Variants in ATP10A observed in about 807,000 individuals in gnomAD.
ATP10A encodes the protein phospholipid-transporting ATPase VA.
In ATP10A, 111 loss-of-function variants were observed where a neutral mutation model predicts 147.8. The ratio of observed to expected loss-of-function variants is 0.75; its 90% confidence interval spans 0.64 to 0.88. The LOEUF (loss-of-function observed/expected upper bound fraction) is 0.88. Ranked by LOEUF, ATP10A falls within the 40% of genes least tolerant of loss-of-function variation. The probability of loss-of-function intolerance (pLI) is 0.00; values close to 1 mark genes in which losing one functional copy is unlikely to be tolerated. For missense variants in ATP10A, 1,927 were observed against 1,959.0 expected, an observed-to-expected ratio of 0.98 and a Z score of 0.31; for synonymous variants, 875 against 841.6, an observed-to-expected ratio of 1.04 and a Z score of -0.69.
At chr15:25,815,124 A>T (rs1373581573) in intron 1 of ATP10A, among the ~76,000 whole-genome samples, 1 of 152,184 alleles carries the variant, frequency 6.6e-6, no homozygotes, top group Non-Finnish European at 1.5e-5. Context: ...GGTCGACATC[A>T]CACCACCAGG....
At chr15:25,855,075 A>C (rs1011485985) in intron 1 of ATP10A, among the ~76,000 whole-genome samples, 36 of 151,698 alleles carry the variant, frequency 2.4e-4, no homozygotes, top group African/African-American at 7.0e-4. Context: ...AAAAAAAAAA[A>C]AACAGAAAAA....
At chr15:25,788,485 A>G (rs958221805) in intron 1 of ATP10A, among the ~76,000 whole-genome samples, 2 of 152,216 alleles carry the variant, frequency 1.3e-5, no homozygotes, top group African/African-American at 4.8e-5. Flanking sequence ...GGCTGTCACC[A>G]GACTGTCAAC....
intron 1 of ATP10A, among the ~76,000 whole-genome samples, chr15:25,843,521 T>G (rs1472458965): frequency 6.6e-6 from 1 of 152,122 alleles, no homozygotes; most frequent in Non-Finnish European, 1.5e-5. Context: ...CTCCTCTCTG[T>G]GCAGGAATTC....
chr15:25,811,138 G>A (rs1442687428), intron 1 of ATP10A, among the ~76,000 whole-genome samples: 1 of 152,176 alleles, frequency 6.6e-6, no homozygotes, highest in Non-Finnish European at 1.5e-5. Context: ...GGTCCTGGAC[G>A]ATTCAGCGCG....
Position 25,718,246 on chromosome 15 carries a change from C to T in ATP10A, c.1517G>A (p.Gly506Asp), listed in dbSNP as rs1404133013. 1 of 1,612,826 alleles carries T rather than the reference C, an allele frequency of 6.2e-7. No homozygotes were observed. Among genetic ancestry groups the T allele is most frequent in the South Asian group, 1.1e-5 (1 of 91,052 alleles). The change falls in exon 8 of 21, where the codon GGC (glycine) becomes GAC (aspartate). Residue 506 changes from glycine to aspartate, a missense_variant. Coordinates refer to ENST00000555815, the MANE Select transcript of ATP10A (RefSeq NM_024490.4). ...GGCCCTCTTGGCCTCGGCCCGGCTG[C>T]CCGTGCGCCGGTGGGACTTGGTGCT... ...TQSTKSHRRTGSRAEAKRASM... is the reference protein window; with the variant it reads ...TQSTKSHRRTDSRAEAKRASM...
chr15:25,820,249 G>T (rs1254208926), intron 1 of ATP10A, among the ~76,000 whole-genome samples: 1 of 151,994 alleles, frequency 6.6e-6, no homozygotes, highest in East Asian at 1.9e-4. Context: ...TGGGAAAAGG[G>T]GTTTGTCCAC....
chr15:25,717,663 AG>A (rs1901905020), intron 8 of ATP10A, among the ~76,000 whole-genome samples: 1 of 152,238 alleles, frequency 6.6e-6, no homozygotes, highest in Non-Finnish European at 1.5e-5. Flanking sequence ...AGAGTAAGCA[AG>A]GGGGATTCAT....
chr15:25,705,597 G>A (rs553632460), intron 12 of ATP10A, among the ~76,000 whole-genome samples: 22 of 152,322 alleles, frequency 1.4e-4, no homozygotes, highest in African/African-American at 4.8e-4. Flanking sequence ...GAACGCTAAG[G>A]TGGTGGGTGG....
At chr15:25,677,194 G>T (rs1899155394), downstream of ATP10A, 1 of 152,136 alleles carries the variant, frequency 6.6e-6, no homozygotes, top group African/African-American at 2.4e-5. Context: ...TTAGGATTTG[G>T]TAACCTATTT....
intron 8 of ATP10A, 32 bp from the exon 9 acceptor site, chr15:25,716,956 A>T: frequency 6.7e-7 from 1 of 1,502,382 alleles, no homozygotes; most frequent in Non-Finnish European, 8.9e-7. Flanking sequence ...AGTGAGTCCC[A>T]CCCAGTAGCC....
chr15:25,817,334 C>A (rs1452861043), intron 1 of ATP10A, among the ~76,000 whole-genome samples: 1 of 152,188 alleles, frequency 6.6e-6, no homozygotes, highest in Non-Finnish European at 1.5e-5. Context: ...CCTCCCACCT[C>A]AGCCTCCCAA....
chr15:25,746,924 G>C (rs1394234298), intron 2 of ATP10A, among the ~76,000 whole-genome samples: 1 of 152,090 alleles, frequency 6.6e-6, no homozygotes, highest in Non-Finnish European at 1.5e-5. Context: ...GCTGGTAAGT[G>C]TAATGCAAAT....
chr15:25,783,024 A>G (rs1889999800), intron 1 of ATP10A, among the ~76,000 whole-genome samples: 1 of 152,042 alleles, frequency 6.6e-6, no homozygotes, highest in African/African-American at 2.4e-5. Context: ...ATTAAAAAAA[A>G]AATTAGTTGG....
intron 2 of ATP10A, among the ~76,000 whole-genome samples, chr15:25,747,629 T>C (rs1887916718): frequency 6.6e-6 from 1 of 152,028 alleles, no homozygotes; most frequent in African/African-American, 2.4e-5. Flanking sequence ...AATTTGAAAA[T>C]TTAAGTAAAA....
chr15:25,707,950 A>T, intron 12 of ATP10A, 26 bp downstream of exon 12: 1 of 1,612,512 alleles, frequency 6.2e-7, no homozygotes, highest in Non-Finnish European at 8.5e-7. Flanking sequence ...CACTGCCCTT[A>T]GGCATGCGAC....
At chr15:25,780,891 C>T (rs758664936) in intron 2 of ATP10A, 128 bp downstream of exon 2, 10 of 1,014,866 alleles carry the variant, frequency 9.9e-6, no homozygotes, top group East Asian at 4.9e-5. Context: ...CCCTCAGACT[C>T]GTCTACTAGG....
intron 1 of ATP10A, among the ~76,000 whole-genome samples, chr15:25,800,414 G>A (rs1335964396): frequency 6.6e-6 from 1 of 152,012 alleles, no homozygotes; most frequent in Admixed American, 6.6e-5. Context: ...TGCCTCCCCA[G>A]GGGACACAGC....
intron 7 of ATP10A, among the ~76,000 whole-genome samples, chr15:25,719,045 G>GCTAACCCA (rs1297873276): frequency 2.0e-5 from 3 of 152,212 alleles, no homozygotes; most frequent in Non-Finnish European, 4.4e-5. Context: ...TGCCTGCGCT[G>GCTAACCCA]TGGCTTCTTG....
chr15:25,681,756 G>A (rs908597076), intron 17 of ATP10A, among the ~76,000 whole-genome samples: 1 of 152,168 alleles, frequency 6.6e-6, no homozygotes, highest in Non-Finnish European at 1.5e-5. Context: ...CAGGTTCACA[G>A]TAAAAAGATG....
Sources: allele counts gnomAD v4.1 joint callset (sites outside exome capture counted in the v4.1 genomes callset), GRCh38; gene constraint gnomAD v4.1.1; transcripts MANE v1.5; gene names NCBI Gene and HGNC (gene_info 2026-07-23, HGNC 2026-07-21).